The following PDE4D variants were observed in gnomAD, a reference collection of about 807,000 sequenced individuals.
PDE4D encodes the protein phosphodiesterase 4D, also known as 3',5'-cyclic-AMP phosphodiesterase 4D.
A neutral mutation model predicts 87.4 loss-of-function variants in PDE4D; 24 were observed. That is an observed-to-expected ratio of 0.27 (90% CI 0.20 to 0.39). PDE4D has a LOEUF of 0.39. Ranked by LOEUF, PDE4D falls within the 10% of genes least tolerant of loss-of-function variation. The pLI is 1.00. For missense variants in PDE4D, 714 were observed against 1,041.0 expected (o/e 0.69, Z 4.32); for synonymous variants, 384 against 383.2 (o/e 1.00, Z -0.02).
intron 1 of PDE4D, among the ~76,000 whole-genome samples, chr5:60,256,963 AG>A (rs764079278): frequency 1.3e-5 from 2 of 151,956 alleles, no homozygotes; most frequent in Non-Finnish European, 2.9e-5. Flanking sequence ...ACTATGTAGA[AG>A]TGATAGATAT....
intron 5 of PDE4D, among the ~76,000 whole-genome samples, chr5:59,088,566 G>A (rs55801062): frequency 0.19 from 28,586 of 152,108 alleles, 3,289 homozygotes; most frequent in Non-Finnish European, 0.26. Context: ...CCCAACAGTA[G>A]TAGACAGGAT....
At chr5:59,566,654 T>C (rs564774086) in intron 1 of PDE4D, among the ~76,000 whole-genome samples, 39 of 151,752 alleles carry the variant, frequency 2.6e-4, no homozygotes, top group African/African-American at 9.4e-4. Flanking sequence ...ATAAACTCCA[T>C]AGGGGCAAGA....
At chr5:60,129,051 A>T (rs1779359261) in intron 2 of PDE4D, among the ~76,000 whole-genome samples, 1 of 152,242 alleles carries the variant, frequency 6.6e-6, no homozygotes, top group African/African-American at 2.4e-5. Context: ...TTTGTCATCA[A>T]TATTGTGTTA....
chr5:60,103,422 G>A (rs1776462353), intron 2 of PDE4D, among the ~76,000 whole-genome samples: 1 of 152,124 alleles, frequency 6.6e-6, no homozygotes, highest in Non-Finnish European at 1.5e-5. Flanking sequence ...AGCAAAGAGG[G>A]GAGTAATTCC....
At chr5:60,121,272 G>C (rs1778652894) in intron 2 of PDE4D, among the ~76,000 whole-genome samples, 2 of 151,908 alleles carry the variant, frequency 1.3e-5, no homozygotes, top group Admixed American at 6.6e-5. Context: ...TAGGGGATGA[G>C]GAATAAGATG....
At chr5:59,217,244 G>A (rs1751456480) in intron 1 of PDE4D, 1 of 455,746 alleles carries the variant, frequency 2.2e-6, no homozygotes, top group Non-Finnish European at 4.4e-6. Flanking sequence ...GCAGGTGTGT[G>A]GTTTTAAAGA....
At chr5:59,687,957 C>A (rs1750199793) in intron 1 of PDE4D, among the ~76,000 whole-genome samples, 1 of 152,004 alleles carries the variant, frequency 6.6e-6, no homozygotes, top group Non-Finnish European at 1.5e-5. Context: ...CAACAAAGAT[C>A]AAAAGAGACA....
intron 1 of PDE4D, among the ~76,000 whole-genome samples, chr5:59,668,745 G>A (rs1746496262): frequency 7.1e-6 from 1 of 141,380 alleles, no homozygotes; most frequent in Non-Finnish European, 1.6e-5. Context: ...GAAAGAAGAA[G>A]AAGAAGAAGA....
chr5:59,657,467 C>T (rs919461520), intron 1 of PDE4D, among the ~76,000 whole-genome samples: 2 of 152,082 alleles, frequency 1.3e-5, no homozygotes, highest in Non-Finnish European at 2.9e-5. Context: ...GAATCTAAAT[C>T]ACTGAACAGA....
intron 1 of PDE4D, among the ~76,000 whole-genome samples, chr5:59,600,434 G>A (rs529351047): frequency 6.6e-6 from 1 of 152,308 alleles, no homozygotes; most frequent in South Asian, 2.1e-4. Context: ...TGGCAAAGCA[G>A]AACCTGGGTG....
rs150811957 is a variant in PDE4D, at chr5:59,481,128, G to A, written c.456-265160C>T. On this transcript the variant is annotated intron_variant, in intron 1 of 14. Transcript: ENST00000340635. ...AACATCTGGTAGGACTTGCAAAGGC[G>A]CAGCTATTCTGACCGTTAGCTTATA... Among the ~76,000 whole-genome samples, 515 of 152,188 alleles carry A rather than the reference G, an allele frequency of 3.4e-3. 8 individuals are homozygous for A. The highest frequency in any genetic ancestry group is 0.012 in the African/African-American group (485 of 41,538).
At chr5:59,263,350 C>T (rs1228314416) in intron 1 of PDE4D, among the ~76,000 whole-genome samples, 1 of 151,780 alleles carries the variant, frequency 6.6e-6, no homozygotes, top group Non-Finnish European at 1.5e-5. Flanking sequence ...AATTGTAATC[C>T]TTCAAGAGTT....
chr5:59,301,053 C>T (rs1257427909), intron 1 of PDE4D, among the ~76,000 whole-genome samples: 1 of 152,128 alleles, frequency 6.6e-6, no homozygotes, highest in Non-Finnish European at 1.5e-5. Flanking sequence ...TGCCAACCTC[C>T]ATGAAAGTCC....
intron 5 of PDE4D, among the ~76,000 whole-genome samples, chr5:59,166,021 C>A (rs1000036613): frequency 6.6e-6 from 1 of 152,158 alleles, no homozygotes; most frequent in African/African-American, 2.4e-5. Context: ...GCACCCCCAC[C>A]ACCACCTGTC....
chr5:59,553,703 A>G (rs989274563), intron 1 of PDE4D, among the ~76,000 whole-genome samples: 3 of 152,202 alleles, frequency 2.0e-5, no homozygotes, highest in African/African-American at 7.2e-5. Flanking sequence ...TTTCAAGCAG[A>G]TATTTAAATT....
intron 1 of PDE4D, among the ~76,000 whole-genome samples, chr5:59,465,546 C>T (rs1193172206): frequency 6.6e-6 from 1 of 152,118 alleles, no homozygotes; most frequent in Non-Finnish European, 1.5e-5. Context: ...TATTTTTAGA[C>T]TTTTAATGTC....
chr5:60,312,489 C>T (rs778250640), intron 1 of PDE4D, among the ~76,000 whole-genome samples: 5 of 152,160 alleles, frequency 3.3e-5, no homozygotes, highest in Non-Finnish European at 7.3e-5. Context: ...TAGGAGGCCT[C>T]AGGAAACTTA....
chr5:60,450,590 C>T (rs892331436), intron 1 of PDE4D, among the ~76,000 whole-genome samples: 7 of 152,116 alleles, frequency 4.6e-5, no homozygotes, highest in Non-Finnish European at 1.0e-4. Context: ...CTTGTATCTG[C>T]AATTTACTTT....
In PDE4D at chr5:58,969,667, C is replaced by T. The variant is rs951188734; in HGVS notation, c.*4997G>A. 7.9e-5 allele frequency: 12 copies of T among 152,156 alleles called. 1 individual carries two copies. Among genetic ancestry groups the T allele is most frequent in the Admixed American group, 6.5e-4 (10 of 15,268 alleles). The allele number at this position is 152,156 out of a possible 1,614,324, so 9.4% of individuals were successfully genotyped here. ...ATATGAGTATTGTTTAAGCCTTTGTCCCCTCCAGACTGTAAGCTCCATGAA... is the reference window on the plus strand; with the variant it reads ...ATATGAGTATTGTTTAAGCCTTTGTTCCCTCCAGACTGTAAGCTCCATGAA... On this transcript the variant is annotated 3_prime_UTR_variant, in exon 15 of 15. Coordinates refer to ENST00000340635, the MANE Select transcript of PDE4D (RefSeq NM_001104631.2).
Sources: gnomAD v4.1 joint callset for allele counts (sites outside exome capture counted in the v4.1 genomes callset) on GRCh38, gnomAD v4.1.1 for gene constraint, MANE v1.5 for transcripts, NCBI Gene and HGNC (gene_info 2026-07-23, HGNC 2026-07-21) for gene names.